PCDHGA2: variants seen among roughly 807,000 people sequenced by gnomAD.
The protein encoded by PCDHGA2 is protocadherin gamma-A2.
PCDHGA2 carries 40 observed loss-of-function variants against 59.2 expected under a neutral mutation model. That is an observed-to-expected ratio of 0.68 (90% CI 0.52 to 0.88). PCDHGA2 has a LOEUF of 0.88. Ranked by LOEUF, PCDHGA2 falls within the 40% of genes least tolerant of loss-of-function variation. The pLI is 0.00. For missense variants in PCDHGA2, 1,226 were observed against 1,204.0 expected (o/e 1.02, Z -0.27); for synonymous variants, 560 against 526.0 (o/e 1.06, Z -0.89).
rs746311453 is a variant in PCDHGA2 at position 141,428,229 on chromosome 5, C to T, written c.2425-66578C>T. On this transcript the variant is annotated intron_variant, in intron 1 of 3. Coordinates refer to ENST00000394576, the MANE Select transcript of PCDHGA2 (RefSeq NM_018915.4). ...CGCTTCACCTAGTCTTCGCAGACAGCCTGCAGGAGGCACTGCCAGACTTCA... is the reference window on the plus strand; with the variant it reads ...CGCTTCACCTAGTCTTCGCAGACAGTCTGCAGGAGGCACTGCCAGACTTCA... 3 of 1,098,554 alleles carry T rather than the reference C, an allele frequency of 2.7e-6. No homozygotes were observed. In the South Asian group the frequency reaches 3.9e-5, roughly 14 times the overall value. The allele number at this position is 1,098,554 out of a possible 1,614,324, so 68.1% of individuals were successfully genotyped here.
rs748786219 is a variant in PCDHGA2, at chr5:141,339,851, C to CTTAA, written c.881_884dup (p.Lys295AsnfsTer2). 169 of 1,614,014 alleles carry CTTAA rather than the reference C, an allele frequency of 1.0e-4. No individual in the cohort carries two copies. The highest frequency in any genetic ancestry group is 1.3e-4 in the Non-Finnish European group (155 of 1,179,998). On this transcript the variant is annotated frameshift_variant, in exon 1 of 4. Coordinates refer to ENST00000394576, the MANE Select transcript of PCDHGA2 (RefSeq NM_018915.4). LOFTEE classifies it high-confidence loss of function. ...TGGAGAAACCTCAGAGGTATTTGAG[C>CTTAA]TTAAGTCAACATCTGGAGAACTGAC...
chr5:141,439,960 T>G (rs1297261423), intron 1 of PCDHGA2: 1 of 152,668 alleles, frequency 6.6e-6, no homozygotes, highest in African/African-American at 2.4e-5. Flanking sequence ...AGATCCGTTA[T>G]TCAGTCCTAG....
intron 1 of PCDHGA2, among the ~76,000 whole-genome samples, chr5:141,439,495 C>A (rs142329128): frequency 6.6e-6 from 1 of 152,206 alleles, no homozygotes; most frequent in Non-Finnish European, 1.5e-5. Context: ...CAGTGAGAAA[C>A]GTCTTTCTCT....
rs775426401 is a variant in PCDHGA2 at position 141,350,605 on chromosome 5, C to T, written c.2424+9210C>T. On this transcript the variant is annotated intron_variant, in intron 1 of 3. Coordinates refer to ENST00000394576, the MANE Select transcript of PCDHGA2 (RefSeq NM_018915.4). ...CTGAAAACCCAATGAATGTTTTCCA[C>T]GTGGTTGTTGTAATCCAAGATATTA... is the stretch of plus-strand genomic sequence containing the variant. 6 of 1,613,998 alleles carry T rather than the reference C, an allele frequency of 3.7e-6. 1 individual carries two copies. Among genetic ancestry groups the T allele is most frequent in the African/African-American group, 1.3e-5 (1 of 75,046 alleles).
At chr5:141,404,408 A>C (rs2154535328) in intron 1 of PCDHGA2, 1 of 1,613,900 alleles carries the variant, frequency 6.2e-7, no homozygotes, top group East Asian at 2.2e-5. Flanking sequence ...TGAGAATTCT[A>C]GAGTTATTTA....
intron 1 of PCDHGA2, chr5:141,374,351 A>T (rs1770409199): frequency 6.2e-7 from 1 of 1,614,022 alleles, no homozygotes; most frequent in South Asian, 1.1e-5. Flanking sequence ...CGCGGGTAGG[A>T]TAGACCGCGA....
intron 1 of PCDHGA2, chr5:141,362,667 T>C (rs545396981): frequency 5.4e-6 from 7 of 1,294,756 alleles, no homozygotes; most frequent in South Asian, 3.1e-5. Flanking sequence ...GCCAATGTTG[T>C]GCCTTAATTG....
chr5:141,360,641 G>A, intron 1 of PCDHGA2: 1 of 1,613,962 alleles, frequency 6.2e-7, no homozygotes, highest in Non-Finnish European at 8.5e-7. Flanking sequence ...TCACTACAAA[G>A]ATACCACCTT....
At chr5:141,388,062 G>A (rs1237358865) in intron 1 of PCDHGA2, 1 of 1,380,416 alleles carries the variant, frequency 7.2e-7, no homozygotes, top group African/African-American at 1.5e-5. Flanking sequence ...CAGCGTCCAG[G>A]AGTTACCGAC....
chr5:141,418,693 T>G, intron 1 of PCDHGA2: 1 of 1,614,040 alleles, frequency 6.2e-7, no homozygotes, highest in Admixed American at 1.7e-5. Flanking sequence ...CAGAGATCAC[T>G]TATTCCTTCT....
chr5:141,383,695 G>T (rs373055594), intron 1 of PCDHGA2: 1 of 1,613,974 alleles, frequency 6.2e-7, no homozygotes, highest in Non-Finnish European at 8.5e-7. Context: ...CACGGTACAT[G>T]CTATCGACCT....
At chr5:141,407,524 C>CT (rs2094949017) in intron 1 of PCDHGA2, among the ~76,000 whole-genome samples, 1 of 146,696 alleles carries the variant, frequency 6.8e-6, no homozygotes, top group Admixed American at 6.8e-5. Flanking sequence ...TAGGACTTAA[C>CT]TTATTGTGCA....
rs759576434 is a variant in PCDHGA2 at position 141,432,109 on chromosome 5, G to C, written c.2425-62698G>C. Reference sequence around the variant, plus strand: ...TGGCAGACACCAACGACAACCCGCCGGTCTTCCCTCAGGCCTCCTATTCCG... The same window carrying C: ...TGGCAGACACCAACGACAACCCGCCCGTCTTCCCTCAGGCCTCCTATTCCG... On this transcript the variant is annotated intron_variant, in intron 1 of 3. Transcript: ENST00000394576. The surrounding 1 kb of genome is among the most constrained non-coding windows in gnomAD (Gnocchi z 6.0). 9 of 1,613,972 alleles carry C rather than the reference G, an allele frequency of 5.6e-6. No homozygotes were observed. In the African/African-American group the frequency reaches 9.3e-5, roughly 17 times the overall value.
intron 1 of PCDHGA2, among the ~76,000 whole-genome samples, chr5:141,379,889 CTTTTTTTTTTTT>C (rs70988800): frequency 3.0e-4 from 15 of 50,832 alleles, no homozygotes; most frequent in South Asian, 9.2e-4. Flanking sequence ...GTGAAAGCCT[CTTTTTTTTTTTT>C]TTTTTTTTTT....
At chr5:141,407,976 G>T (rs1392473551) in intron 1 of PCDHGA2, 2 of 742,146 alleles carry the variant, frequency 2.7e-6, no homozygotes, top group South Asian at 2.3e-5. Flanking sequence ...CTGACGCCGG[G>T]GATCCGTCAG....
At chr5:141,394,607 G>C (rs769750411) in intron 1 of PCDHGA2, 10 of 1,613,414 alleles carry the variant, frequency 6.2e-6, no homozygotes, top group South Asian at 2.2e-5. Context: ...ACAGAGACTC[G>C]GGCCAGAACG....
At chr5:141,413,867 T>TTG in intron 1 of PCDHGA2, 1 of 1,613,428 alleles carries the variant, frequency 6.2e-7, no homozygotes, top group Non-Finnish European at 8.5e-7. Flanking sequence ...GGCACTGTCC[T>TTG]TGTCAGTGTG....
chr5:141,394,496 G>T (rs779718881), intron 1 of PCDHGA2: 5 of 1,614,118 alleles, frequency 3.1e-6, no homozygotes, highest in Middle Eastern at 1.6e-4. Context: ...ACGCGCCCGA[G>T]ATCCTGTACC....
intron 1 of PCDHGA2, chr5:141,360,332 T>C (rs1761541281): frequency 1.2e-6 from 2 of 1,613,966 alleles, no homozygotes; most frequent in Non-Finnish European, 1.7e-6. Context: ...GCCCGGAAGC[T>C]GCGGGTTAGC....
Sources: allele counts gnomAD v4.1 joint callset (sites outside exome capture counted in the v4.1 genomes callset), GRCh38; gene constraint gnomAD v4.1.1; non-coding constraint Gnocchi (gnomAD v3.1); transcripts MANE v1.5; gene names NCBI Gene and HGNC (gene_info 2026-07-23, HGNC 2026-07-21).